Variants in EFHC1 observed in about 807,000 individuals in gnomAD.
EFHC1 encodes EF-hand domain-containing protein 1.
A neutral mutation model predicts 69.9 loss-of-function variants in EFHC1; 53 were observed. The ratio of observed to expected loss-of-function variants is 0.76; its 90% CI spans 0.61 to 0.95. The LOEUF is 0.95. Ranked by LOEUF, EFHC1 falls within the 40% of genes least tolerant of loss-of-function variation. The pLI, the probability that EFHC1 is intolerant of heterozygous loss-of-function variation, is 0.00. For missense variants in EFHC1, 739 were observed against 798.7 expected, an observed-to-expected ratio of 0.93 and a Z score of 0.90; for synonymous variants, 256 against 278.4, an observed-to-expected ratio of 0.92 and a Z score of 0.80.
At chr6:52,479,402 C>T (rs910415011) in intron 8 of EFHC1, 152 bp downstream of exon 8, 13 of 1,052,246 alleles carry the variant, frequency 1.2e-5, no homozygotes, top group African/African-American at 9.5e-5. Flanking sequence ...ATGTGTTAAT[C>T]GCCTTCCTAA....
rs531861652 is a variant in EFHC1 at position 52,478,243 on chromosome 6, G to A, written c.1279-794G>A. On this transcript the variant is annotated intron_variant, in intron 7 of 10. Transcript: ENST00000371068. ...TGAACAATGAGATCACATGGACACAGGAAGGGGAATTTCACACTCTGGGGA... is the reference window on the plus strand; with the variant it reads ...TGAACAATGAGATCACATGGACACAAGAAGGGGAATTTCACACTCTGGGGA... Among the ~76,000 whole-genome samples, 192 of 151,956 alleles carry A rather than the reference G, an allele frequency of 1.3e-3. 1 individual carries two copies. Among genetic ancestry groups the A allele is most frequent in the African/African-American group, 4.4e-3 (180 of 41,350 alleles).
At chr6:52,436,804 G>A (rs918996637) in intron 2 of EFHC1, among the ~76,000 whole-genome samples, 10 of 152,050 alleles carry the variant, frequency 6.6e-5, no homozygotes, top group Non-Finnish European at 2.9e-5. Flanking sequence ...ACCAAGCCTG[G>A]CTAATTTTTG....
intron 9 of EFHC1, chr6:52,483,053 T>C (rs1470726503): frequency 2.6e-6 from 1 of 391,042 alleles, no homozygotes; most frequent in Non-Finnish European, 4.5e-6. Context: ...AAAACAAATA[T>C]ACAGTGACTA....
intron 3 of EFHC1, among the ~76,000 whole-genome samples, chr6:52,449,023 G>A (rs896807832): frequency 1.3e-5 from 2 of 152,150 alleles, no homozygotes; most frequent in Non-Finnish European, 2.9e-5. Flanking sequence ...AATGATGCTG[G>A]CCTCATAGAA....
At chr6:52,486,396 A>G (rs929803405) in intron 9 of EFHC1, 12 of 152,188 alleles carry the variant, frequency 7.9e-5, no homozygotes, top group African/African-American at 2.9e-4. Context: ...GGAAATCCAC[A>G]TGTGTGAATA....
rs1765627231 is a variant in EFHC1 at position 52,479,625 on chromosome 6, C to T, written c.1493-15C>T. The T allele has an allele frequency of 2.5e-6, 4 of 1,614,204 alleles. No homozygotes were observed. Among genetic ancestry groups the T allele is most frequent in the Non-Finnish European group, 3.4e-6 (4 of 1,180,020 alleles). ...GAACATCACCAAGCTAAGTGTGTTG[C>T]TACCTTCTCTCCAGTGTTTGGTCAC... On this transcript the variant is annotated splice_polypyrimidine_tract_variant and intron_variant, in intron 8 of 10. Transcript: ENST00000371068.
intron 3 of EFHC1, among the ~76,000 whole-genome samples, chr6:52,441,650 A>G (rs917934433): frequency 1.1e-4 from 16 of 151,172 alleles, no homozygotes; most frequent in Non-Finnish European, 2.4e-4. Context: ...GTCACTGGCA[A>G]TTTGATAGGA....
intron 7 of EFHC1, among the ~76,000 whole-genome samples, chr6:52,472,297 A>G (rs1265780378): frequency 1.3e-5 from 2 of 152,200 alleles, no homozygotes; most frequent in Admixed American, 1.3e-4. Context: ...GATTAGGAAC[A>G]AGGCAAGACT....
chr6:52,453,149 C>A (rs1764957195), intron 4 of EFHC1: 1 of 1,365,602 alleles, frequency 7.3e-7, no homozygotes, highest in Non-Finnish European at 9.6e-7. Flanking sequence ...TTGACAATTT[C>A]TTTCCCTTAA....
rs553252923 is a variant in EFHC1, at chr6:52,447,533, T to C, written c.574-5155T>C. On this transcript the variant is annotated intron_variant, in intron 3 of 10. Transcript: ENST00000371068. ...ACATCCTCCTTTAGCTCGGAGAAGTTTGTTATTACTGATTGTCTGAAGCCT... is the reference window on the plus strand; with the variant it reads ...ACATCCTCCTTTAGCTCGGAGAAGTCTGTTATTACTGATTGTCTGAAGCCT... 4.6e-5 allele frequency among the ~76,000 whole-genome samples: 7 copies of C among 152,352 alleles called. No homozygotes were observed. In the South Asian group the frequency reaches 1.2e-3, roughly 27 times the overall value.
intron 2 of EFHC1, among the ~76,000 whole-genome samples, chr6:52,425,352 G>A (rs865850397): frequency 2.1e-4 from 32 of 152,124 alleles, no homozygotes; most frequent in African/African-American, 7.0e-4. Context: ...AGTGGGATAG[G>A]CACTAAATAA....
At chr6:52,444,458 G>A (rs1159867221) in intron 3 of EFHC1, among the ~76,000 whole-genome samples, 1 of 152,126 alleles carries the variant, frequency 6.6e-6, no homozygotes, top group Non-Finnish European at 1.5e-5. Context: ...TTTGAGATAT[G>A]TCCCATCAAT....
rs1336636507 is a variant in EFHC1 at position 52,464,941 on chromosome 6, G to A, written c.963G>A (p.Leu321=). The change falls in exon 6 of 11, where the codon TTG becomes TTA. Residue 321 remains leucine (L), a synonymous_variant. Coordinates refer to ENST00000371068, the MANE Select transcript of EFHC1 (RefSeq NM_018100.4). ...CVLEISDQEV[L]EWYTAKDFIV... is the part of the protein sequence containing the mutation. ...TAGAAATCTCTGACCAAGAAGTGTT[G>A]GAATGGTATACTGCTAAAGACTTCA... 6.2e-7 allele frequency: 1 copy of A among 1,613,978 alleles called. No homozygotes were observed. Among genetic ancestry groups the A allele is most frequent in the Non-Finnish European group, 8.5e-7 (1 of 1,180,024 alleles).
intron 3 of EFHC1, among the ~76,000 whole-genome samples, chr6:52,445,374 G>C (rs1249500390): frequency 1.3e-5 from 2 of 150,220 alleles, no homozygotes; most frequent in Non-Finnish European, 3.0e-5. Flanking sequence ...ACGTATACAT[G>C]TGCCATGCTA....
At chr6:52,479,412 A>G (rs570320008) in intron 8 of EFHC1, among the ~76,000 whole-genome samples, 162 bp downstream of exon 8, 19 of 150,196 alleles carry the variant, frequency 1.3e-4, no homozygotes, top group African/African-American at 4.6e-4. Flanking sequence ...CGCCTTCCTA[A>G]TCAATTAAAC....
chr6:52,430,998 G>A (rs1764401776), intron 2 of EFHC1, among the ~76,000 whole-genome samples: 1 of 152,090 alleles, frequency 6.6e-6, no homozygotes, highest in Non-Finnish European at 1.5e-5. Flanking sequence ...GGTGTTCATA[G>A]TAGCCTTGAA....
At chr6:52,482,888 TTTGAC>T in intron 9 of EFHC1, 2 of 398,596 alleles carry the variant, frequency 5.0e-6, no homozygotes, top group Middle Eastern at 6.3e-4. Flanking sequence ...TCTATTTATA[TTTGAC>T]TTGAATTCAC....
chr6:52,420,364 G>A lies in EFHC1; in HGVS notation c.-47G>A. 3 of 1,613,410 alleles carry A rather than the reference G, an allele frequency of 1.9e-6. No individual in the cohort carries two copies. The highest frequency in any genetic ancestry group is 1.1e-5 in the South Asian group (1 of 91,064). ...AACACTGCTTGTCGCCTGGGCAACC[G>A]GAGAGGACGAAGCAGGACCTAGGTG... On this transcript the variant is annotated 5_prime_UTR_variant, in exon 1 of 11. Transcript: ENST00000371068.
rs2114042913 is a variant in EFHC1, at chr6:52,494,404, C to A, written c.*2063C>A. 1 of 454,120 alleles carries A rather than the reference C, an allele frequency of 2.2e-6. No homozygotes were observed. The highest frequency in any genetic ancestry group is 6.9e-5 in the East Asian group (1 of 14,400). 28.1% of individuals were successfully genotyped at this position (454,120 alleles called of 1,614,324 possible). A position where few individuals can be genotyped will look rare whatever the true frequency, so the allele number is the denominator to read the frequency against. On this transcript the variant is annotated 3_prime_UTR_variant, in exon 11 of 11. Transcript: ENST00000371068. ...ACTCCCTTCTTTCTGTCTTCTGCTC[C>A]CTTTGTTCCTATTCAGCCATGCTGC...
Sources: allele counts gnomAD v4.1 joint callset (sites outside exome capture counted in the v4.1 genomes callset), GRCh38; gene constraint gnomAD v4.1.1; transcripts MANE v1.5; gene names NCBI Gene and HGNC (gene_info 2026-07-23, HGNC 2026-07-21).